The following CD99L2 variants were observed in gnomAD, a reference collection of about 807,000 sequenced individuals.
The protein encoded by CD99L2 is CD99 molecule like 2.
Under a neutral mutation model 27.3 loss-of-function variants are expected in CD99L2, and 24 were observed. That is an observed-to-expected ratio of 0.88 (90% CI 0.64 to 1.24). CD99L2 has a LOEUF of 1.24. Among genes scored for constraint, CD99L2 ranks in the 50% most tolerant of loss-of-function variants. The pLI is 0.00. For synonymous variants in CD99L2, 97 were observed against 87.9 expected (o/e 1.10, Z -0.58); for missense variants, 255 against 221.6 (o/e 1.15, Z -0.96).
chrX:150,795,629 G>A (rs1429265072), intron 4 of CD99L2, 143 bp from the exon 5 acceptor site: 2 of 552,136 alleles, frequency 3.6e-6, no homozygotes, highest in Non-Finnish European at 6.0e-6. Flanking sequence ...ATCACTTTGA[G>A]ACGGATGACA....
chrX:150,862,077 G>A (rs1396166570), intron 1 of CD99L2, among the ~76,000 whole-genome samples: 1 of 111,928 alleles, frequency 8.9e-6, no homozygotes, highest in African/African-American at 3.2e-5. Context: ...AATAATGGTA[G>A]TTGTCCATAG....
chrX:150,777,584 C>A (rs1442850438), intron 7 of CD99L2, 102 bp from the exon 8 acceptor site: 1 of 867,995 alleles, frequency 1.2e-6, no homozygotes, highest in Non-Finnish European at 1.6e-6. Flanking sequence ...TCCAATCCCA[C>A]CTATGCGACA....
chrX:150,786,826 T>A (rs1252836092), intron 7 of CD99L2, among the ~76,000 whole-genome samples: 2 of 112,309 alleles, frequency 1.8e-5, no homozygotes, highest in Non-Finnish European at 3.8e-5. Flanking sequence ...TAATTTACAT[T>A]CCCATCAGCA....
chrX:150,871,431 G>C (rs1289891021), intron 1 of CD99L2, among the ~76,000 whole-genome samples: 1 of 111,957 alleles, frequency 8.9e-6, no homozygotes. Context: ...GATTCAGACT[G>C]AAGGTTGATA....
intron 7 of CD99L2, among the ~76,000 whole-genome samples, chrX:150,778,683 A>ATAT (rs1557419363): frequency 0.016 from 437 of 27,155 alleles, 4 homozygotes; most frequent in African/African-American, 0.033. Flanking sequence ...TAAAAAAAAA[A>ATAT]AAATATATAT....
intron 1 of CD99L2, among the ~76,000 whole-genome samples, chrX:150,855,446 A>T (rs1160779386): frequency 8.9e-6 from 1 of 111,775 alleles, no homozygotes; most frequent in Non-Finnish European, 1.9e-5. Flanking sequence ...GGAAGCAGGC[A>T]CATCTTCACA....
At chrX:150,891,225 A>G (rs2047507108) in intron 1 of CD99L2, among the ~76,000 whole-genome samples, 1 of 112,623 alleles carries the variant, frequency 8.9e-6, no homozygotes, top group Non-Finnish European at 1.9e-5. Flanking sequence ...TGTATTCAAC[A>G]GTTTAAAACA....
intron 1 of CD99L2, among the ~76,000 whole-genome samples, chrX:150,871,026 A>T (rs2047148657): frequency 8.9e-6 from 1 of 112,464 alleles, no homozygotes; most frequent in Non-Finnish European, 1.9e-5. Flanking sequence ...TTTAACATTT[A>T]AAATTGTGGG....
At chrX:150,771,179 A>AACCGACCG (rs1240177701) in intron 9 of CD99L2, among the ~76,000 whole-genome samples, 3 of 112,016 alleles carry the variant, frequency 2.7e-5, no homozygotes, top group Admixed American at 9.4e-5. Context: ...GCATGGTTCC[A>AACCGACCG]ACCGACCGAC....
At chrX:150,792,987 C>A (rs1407934091) in intron 7 of CD99L2, among the ~76,000 whole-genome samples, 3 of 111,874 alleles carry the variant, frequency 2.7e-5, no homozygotes, top group Non-Finnish European at 5.6e-5. Flanking sequence ...TGGAACAGTT[C>A]TGCCTGCTAA....
chrX:150,841,928 C>T (rs1432087080), intron 1 of CD99L2, among the ~76,000 whole-genome samples: 3 of 111,648 alleles, frequency 2.7e-5, no homozygotes, highest in Non-Finnish European at 5.6e-5. Context: ...TATACCCCTT[C>T]TATGCAAGCT....
chrX:150,779,705 C>T (rs2045478640), intron 7 of CD99L2, among the ~76,000 whole-genome samples: 1 of 112,303 alleles, frequency 8.9e-6, no homozygotes, highest in African/African-American at 3.2e-5. Context: ...CAATACCATC[C>T]GTGAAGATCA....
At chrX:150,813,896 T>C (rs1383775367) in intron 4 of CD99L2, among the ~76,000 whole-genome samples, 1 of 112,137 alleles carries the variant, frequency 8.9e-6, no homozygotes, top group Non-Finnish European at 1.9e-5. Context: ...AATGAGCCTG[T>C]CAATTTAAAG....
At chrX:150,894,007 C>A (rs72612733) in intron 1 of CD99L2, among the ~76,000 whole-genome samples, 55 of 111,767 alleles carry the variant, frequency 4.9e-4, no homozygotes, top group African/African-American at 1.7e-3. Context: ...TGAGCCACTG[C>A]GCCTGGCCAC....
chrX:150,841,654 C>T (rs2046625248), intron 1 of CD99L2, among the ~76,000 whole-genome samples: 1 of 111,320 alleles, frequency 9.0e-6, no homozygotes, highest in Non-Finnish European at 1.9e-5. Context: ...CTACTGCTTG[C>T]TCATATATCC....
chrX:150,809,652 G>T (rs1001787214), intron 4 of CD99L2, among the ~76,000 whole-genome samples: 3 of 111,476 alleles, frequency 2.7e-5, no homozygotes, highest in Non-Finnish European at 5.7e-5. Context: ...AATGGTGAAT[G>T]GACAAAAGAT....
intron 2 of CD99L2, among the ~76,000 whole-genome samples, chrX:150,824,092 AGAAGAAG>A (rs201141503): frequency 0.072 from 5,084 of 70,448 alleles, 564 homozygotes; most frequent in Non-Finnish European, 0.11. Context: ...AGAAGAAGAA[AGAAGAAG>A]GAAGAAGGAA....
chrX:150,865,361 G>T (rs782482759), intron 1 of CD99L2, among the ~76,000 whole-genome samples: 1 of 110,942 alleles, frequency 9.0e-6, no homozygotes, highest in Admixed American at 9.6e-5. Flanking sequence ...GCCAGGCATG[G>T]CAGGGTGGGG....
At chrX:150,786,393 G>A (rs946110247) in intron 7 of CD99L2, among the ~76,000 whole-genome samples, 36 of 110,066 alleles carry the variant, frequency 3.3e-4, no homozygotes, top group African/African-American at 1.1e-3. Context: ...CCCCTTGATA[G>A]GCCCCAGAGT....
Sources: gnomAD v4.1 joint callset for allele counts (sites outside exome capture counted in the v4.1 genomes callset) on GRCh38, gnomAD v4.1.1 for gene constraint, MANE v1.5 for transcripts, NCBI Gene and HGNC (gene_info 2026-07-23, HGNC 2026-07-21) for gene names.